The following ADAMTS6 variants were observed in gnomAD, a reference collection of about 807,000 sequenced individuals.
The protein encoded by ADAMTS6 is ADAM metallopeptidase with thrombospondin type 1 motif 6.
Under a neutral mutation model 144.3 loss-of-function variants are expected in ADAMTS6, and 23 were observed. The ratio of observed to expected loss-of-function variants is 0.16; its 90% CI spans 0.11 to 0.23. The LOEUF (loss-of-function observed/expected upper bound fraction) is 0.23. Ranked by LOEUF, ADAMTS6 falls within the 10% of genes least tolerant of loss-of-function variation. The probability of loss-of-function intolerance (pLI) is 1.00; values close to 1 mark genes in which losing one functional copy is unlikely to be tolerated. For synonymous variants in ADAMTS6, 444 were observed against 457.5 expected (o/e 0.97, Z 0.38); for missense variants, 999 against 1,379.6 (o/e 0.72, Z 4.37).
intron 14 of ADAMTS6, chr5:65,256,672 T>C (rs1760685069): frequency 2.6e-5 from 4 of 152,256 alleles, no homozygotes. Flanking sequence ...AGCTGAGATG[T>C]TTGGCATTTT....
At position 65,369,237 on chromosome 5, in the gene ADAMTS6, T is replaced by A. The variant is rs553728070; in HGVS notation, c.1074-35152A>T. On this transcript the variant is annotated intron_variant, in intron 7 of 24. Coordinates refer to ENST00000381055, the MANE Select transcript of ADAMTS6 (RefSeq NM_197941.4). ...AAAAGCAAACCCTAATAACAAAAAA[T>A]AAAAACAGAAATAATTACGCCAAAA... Among the ~76,000 whole-genome samples the A allele has an allele frequency of 2.0e-5, 3 of 152,100 alleles. No individual in the cohort carries two copies. In the South Asian group the frequency reaches 6.2e-4, roughly 32 times the overall value.
At chr5:65,430,720 G>A (rs1381052919) in intron 7 of ADAMTS6, among the ~76,000 whole-genome samples, 5 of 152,234 alleles carry the variant, frequency 3.3e-5, no homozygotes, top group East Asian at 1.9e-4. Context: ...AAAAAAGAGC[G>A]TGTTTTCAGA....
chr5:65,451,132 T>C (rs938061126), intron 7 of ADAMTS6, among the ~76,000 whole-genome samples: 3 of 152,214 alleles, frequency 2.0e-5, no homozygotes, highest in Admixed American at 1.3e-4. Context: ...TTTTAAGATA[T>C]GTATTTTCTC....
rs186350475 is a variant in ADAMTS6 at position 65,321,843 on chromosome 5, G to A, written c.1223+7535C>T. Among the ~76,000 whole-genome samples, 20 of 148,374 alleles carry A rather than the reference G, an allele frequency of 1.3e-4. No homozygotes were observed. In the East Asian group the frequency reaches 2.5e-3, roughly 19 times the overall value. ...CAATTCTCCTGCCTCAGCCTCCCAAGTAGCTGGGACTACAGGCATGTGCCA... is the reference window on the plus strand; with the variant it reads ...CAATTCTCCTGCCTCAGCCTCCCAAATAGCTGGGACTACAGGCATGTGCCA... On this transcript the variant is annotated intron_variant, in intron 9 of 24. Coordinates refer to ENST00000381055, the MANE Select transcript of ADAMTS6 (RefSeq NM_197941.4).
At position 65,171,135 on chromosome 5, in the gene ADAMTS6, G is replaced by A. The variant is rs548808000; in HGVS notation, c.3088-362C>T. 1.3e-4 allele frequency among the ~76,000 whole-genome samples: 19 copies of A among 151,452 alleles called. No homozygotes were observed. In the East Asian group the frequency reaches 3.5e-3, roughly 28 times the overall value. On this transcript the variant is annotated intron_variant, in intron 23 of 24. Transcript: ENST00000381055. The stretch of plus-strand genomic sequence containing the variant: ...CACCATTCTCCTGCCTCAGCCTCCC[G>A]AGTAGCTGGGACTACAGGCACCCGC...
At chr5:65,153,569 T>G (rs1266834309) in intron 24 of ADAMTS6, among the ~76,000 whole-genome samples, 1 of 152,204 alleles carries the variant, frequency 6.6e-6, no homozygotes, top group Non-Finnish European at 1.5e-5. Flanking sequence ...GCTATTATTA[T>G]TACAATTATT....
At chr5:65,327,622 A>G (rs1746296817) in intron 9 of ADAMTS6, among the ~76,000 whole-genome samples, 1 of 152,194 alleles carries the variant, frequency 6.6e-6, no homozygotes, top group African/African-American at 2.4e-5. Context: ...ATTTTTCTAC[A>G]TAAGGTACAA....
At chr5:65,282,093 T>C (rs926319827) in intron 11 of ADAMTS6, among the ~76,000 whole-genome samples, 1 of 152,124 alleles carries the variant, frequency 6.6e-6, no homozygotes, top group Non-Finnish European at 1.5e-5. Flanking sequence ...GGTGTCTTTA[T>C]TGTGTCGGCA....
At chr5:65,397,135 T>C (rs79590511) in intron 7 of ADAMTS6, among the ~76,000 whole-genome samples, 1 of 152,234 alleles carries the variant, frequency 6.6e-6, no homozygotes, top group Non-Finnish European at 1.5e-5. Context: ...GAGTTGTTCA[T>C]AGCATTCCAT....
intron 7 of ADAMTS6, among the ~76,000 whole-genome samples, chr5:65,334,550 T>A (rs1379303650): frequency 1.3e-5 from 2 of 152,310 alleles, no homozygotes; most frequent in Admixed American, 6.5e-5. Flanking sequence ...CTAGCACAGG[T>A]TCTTGTTAAA....
intron 9 of ADAMTS6, among the ~76,000 whole-genome samples, chr5:65,322,989 C>T (rs568444502): frequency 4.6e-5 from 7 of 152,142 alleles, no homozygotes; most frequent in Admixed American, 2.0e-4. Context: ...TAGCTTTAGC[C>T]CATTCAGTAT....
intron 18 of ADAMTS6, among the ~76,000 whole-genome samples, chr5:65,220,733 C>A (rs997857994): frequency 6.6e-6 from 1 of 151,336 alleles, no homozygotes; most frequent in Non-Finnish European, 1.5e-5. Context: ...GGCAACAGAG[C>A]GAGACTCCGT....
chr5:65,451,333 T>C (rs868052660), intron 7 of ADAMTS6, 142 bp downstream of exon 7: 3 of 816,292 alleles, frequency 3.7e-6, no homozygotes, highest in Admixed American at 3.2e-5. Context: ...GTGTAATACA[T>C]TCTTTCTCAG....
intron 8 of ADAMTS6, among the ~76,000 whole-genome samples, chr5:65,332,100 A>ACTCAAAATACTTTATTT (rs564737468): frequency 1.3e-5 from 2 of 151,710 alleles, no homozygotes; most frequent in Non-Finnish European, 2.9e-5. Context: ...ACTAGGCAGT[A>ACTCAAAATACTTTATTT]CTCAAAATAC....
At chr5:65,208,550 C>T (rs1218994018) in intron 20 of ADAMTS6, among the ~76,000 whole-genome samples, 5 of 152,112 alleles carry the variant, frequency 3.3e-5, no homozygotes, top group Non-Finnish European at 7.4e-5. Context: ...CAAAAGAACA[C>T]CTCATTACTA....
chr5:65,324,594 G>A (rs1646374521), intron 9 of ADAMTS6, among the ~76,000 whole-genome samples: 1 of 151,186 alleles, frequency 6.6e-6, no homozygotes, highest in Non-Finnish European at 1.5e-5. Flanking sequence ...ATATATAATG[G>A]ATAAAAGTCT....
At chr5:65,370,591 G>T (rs7722923) in intron 7 of ADAMTS6, among the ~76,000 whole-genome samples, 1 of 152,126 alleles carries the variant, frequency 6.6e-6, no homozygotes, top group Non-Finnish European at 1.5e-5. Flanking sequence ...GGCGCACCAC[G>T]AGATTATATC....
At chr5:65,211,743 A>G (rs1756546813) in intron 20 of ADAMTS6, among the ~76,000 whole-genome samples, 1 of 152,218 alleles carries the variant, frequency 6.6e-6, no homozygotes, top group South Asian at 2.1e-4. Flanking sequence ...TCTATAAGAA[A>G]AGTAGCAACT....
At chr5:65,182,827 G>A (rs954452479) in intron 22 of ADAMTS6, among the ~76,000 whole-genome samples, 3 of 152,050 alleles carry the variant, frequency 2.0e-5, no homozygotes, top group Non-Finnish European at 2.9e-5. Flanking sequence ...TAGTAACAGA[G>A]GTACAGAGAT....
Sources: gnomAD v4.1 joint callset for allele counts (sites outside exome capture counted in the v4.1 genomes callset) on GRCh38, gnomAD v4.1.1 for gene constraint, MANE v1.5 for transcripts, NCBI Gene and HGNC (gene_info 2026-07-23, HGNC 2026-07-21) for gene names.